The following PGCKA1 variants were observed in gnomAD, a reference collection of about 807,000 sequenced individuals.
PGCKA1 encodes the protein PDCD10 and GCKIII kinases-associated protein 1.
chr4:37,563,983 A>G, the PGCKA1 span, among the ~76,000 whole-genome samples: 1 of 152,136 alleles, frequency 6.6e-6, no homozygotes, highest in Non-Finnish European at 1.5e-5. Context: ...TGGTTAAAGA[A>G]TATTCTCAGC....
chr4:37,487,402 G>A, the PGCKA1 span, among the ~76,000 whole-genome samples: 1 of 152,128 alleles, frequency 6.6e-6, no homozygotes, highest in African/African-American at 2.4e-5. Flanking sequence ...GTATTTCAGA[G>A]CAAGTTGCAA....
the PGCKA1 span, among the ~76,000 whole-genome samples, chr4:37,553,781 AT>A: frequency 9.9e-5 from 15 of 152,176 alleles, no homozygotes; most frequent in Admixed American, 4.6e-4. Context: ...TTTAAGTCAA[AT>A]TTTTTAAAAC....
the PGCKA1 span, chr4:37,584,196 G>C: frequency 1.3e-5 from 2 of 152,240 alleles, no homozygotes; most frequent in African/African-American, 4.8e-5. Flanking sequence ...GGGGTTGGGT[G>C]TGAGTACATT....
the PGCKA1 span, among the ~76,000 whole-genome samples, chr4:37,508,774 A>G: frequency 9.4e-5 from 14 of 149,536 alleles, no homozygotes; most frequent in Non-Finnish European, 1.3e-4. Flanking sequence ...GAAGGTCAGC[A>G]GATAAACAAG....
At chr4:37,534,110 T>C in the PGCKA1 span, among the ~76,000 whole-genome samples, 2 of 152,208 alleles carry the variant, frequency 1.3e-5, no homozygotes, top group Non-Finnish European at 2.9e-5. Flanking sequence ...ATGAAATAGG[T>C]AATCCATACA....
At chr4:37,570,639 C>T in the PGCKA1 span, among the ~76,000 whole-genome samples, 52 of 152,274 alleles carry the variant, frequency 3.4e-4, no homozygotes, top group African/African-American at 1.1e-3. Context: ...TTGTCTACTT[C>T]GCCTTCTGGC....
At chr4:37,472,485 C>T in the PGCKA1 span, among the ~76,000 whole-genome samples, 2 of 152,106 alleles carry the variant, frequency 1.3e-5, no homozygotes, top group Non-Finnish European at 2.9e-5. Context: ...TCTCTGTTTC[C>T]CTTATTTAAA....
chr4:37,586,859 G>A, the PGCKA1 span, among the ~76,000 whole-genome samples: 12 of 152,264 alleles, frequency 7.9e-5, no homozygotes, highest in African/African-American at 2.6e-4. Flanking sequence ...GCAGCGAGCC[G>A]AGATTGTGCC....
At chr4:37,471,174 T>C in the PGCKA1 span, among the ~76,000 whole-genome samples, 1 of 152,216 alleles carries the variant, frequency 6.6e-6, no homozygotes, top group Non-Finnish European at 1.5e-5. Flanking sequence ...GATTCCAAGT[T>C]CTGCTCCACA....
At chr4:37,508,683 C>CTTTTT in the PGCKA1 span, among the ~76,000 whole-genome samples, 6 of 84,850 alleles carry the variant, frequency 7.1e-5, 1 homozygote, top group South Asian at 1.1e-3. Context: ...TTTGCTGAAT[C>CTTTTT]TTTTTTTTAG....
At chr4:37,574,643 T>G in the PGCKA1 span, among the ~76,000 whole-genome samples, 1 of 152,202 alleles carries the variant, frequency 6.6e-6, no homozygotes, top group Non-Finnish European at 1.5e-5. Flanking sequence ...AATGTACAAT[T>G]AAATACTTAT....
the PGCKA1 span, among the ~76,000 whole-genome samples, chr4:37,485,368 A>T: frequency 6.6e-6 from 1 of 152,146 alleles, no homozygotes; most frequent in Non-Finnish European, 1.5e-5. Flanking sequence ...TAATGCCATT[A>T]TCTTGGGAGT....
the PGCKA1 span, among the ~76,000 whole-genome samples, chr4:37,564,071 G>A: frequency 3.3e-5 from 5 of 151,906 alleles, no homozygotes; most frequent in East Asian, 1.9e-4. Context: ...TCAGGAGGTC[G>A]AGACCCGCCT....
At chr4:37,553,441 G>A in the PGCKA1 span, among the ~76,000 whole-genome samples, 1 of 152,148 alleles carries the variant, frequency 6.6e-6, no homozygotes, top group African/African-American at 2.4e-5. Flanking sequence ...TGTGCACAAC[G>A]TAGACACTTG....
chr4:37,570,049 G>A, the PGCKA1 span, among the ~76,000 whole-genome samples: 1,660 of 141,770 alleles, frequency 0.012, 9 homozygotes, highest in Middle Eastern at 0.029. Context: ...GCGCCATCTC[G>A]GCTCACTGCA....
At chr4:37,577,254 T>C in the PGCKA1 span, among the ~76,000 whole-genome samples, 1 of 152,086 alleles carries the variant, frequency 6.6e-6, no homozygotes. Flanking sequence ...AACTTTGATC[T>C]TGTTATTGGT....
chr4:37,522,092 T>G, the PGCKA1 span, among the ~76,000 whole-genome samples: 1 of 152,120 alleles, frequency 6.6e-6, no homozygotes, highest in African/African-American at 2.4e-5. Flanking sequence ...CCTGCATATG[T>G]TCACTCAAGG....
At chr4:37,537,748 C>CT in the PGCKA1 span, among the ~76,000 whole-genome samples, 1 of 152,162 alleles carries the variant, frequency 6.6e-6, no homozygotes. Flanking sequence ...ATCCACCATA[C>CT]TGAAGACTCC....
At chr4:37,578,832 G>C in the PGCKA1 span, among the ~76,000 whole-genome samples, 1 of 152,044 alleles carries the variant, frequency 6.6e-6, no homozygotes, top group African/African-American at 2.4e-5. Flanking sequence ...AGAGGCAGGT[G>C]GATCACCTGA....
Sources: gnomAD v4.1 joint callset for allele counts (sites outside exome capture counted in the v4.1 genomes callset) on GRCh38, gnomAD v4.1.1 for gene constraint, MANE v1.5 for transcripts, NCBI Gene and HGNC (gene_info 2026-07-23, HGNC 2026-07-21) for gene names.